The following WASF3 variants were observed in gnomAD, a reference collection of about 807,000 sequenced individuals.
WASF3 encodes the protein actin-binding protein WASF3.
WASF3 carries 11 observed loss-of-function variants against 46.6 expected under a neutral mutation model. The observed-to-expected ratio is 0.24, with a 90% CI of 0.15 to 0.39. The LOEUF is 0.39. Ranked by LOEUF, WASF3 falls within the 10% of genes least tolerant of loss-of-function variation. The pLI, the probability that WASF3 is intolerant of heterozygous loss-of-function variation, is 1.00. For missense variants in WASF3, 576 were observed against 669.8 expected, an observed-to-expected ratio of 0.86 and a Z score of 1.55; for synonymous variants, 242 against 259.7, an observed-to-expected ratio of 0.93 and a Z score of 0.65.
chr13:26,540,353 C>G, the WASF3 span, among the ~76,000 whole-genome samples: 1 of 152,162 alleles, frequency 6.6e-6, no homozygotes, highest in African/African-American at 2.4e-5. Context: ...TTTCTGGACC[C>G]TTGAAGGTCA....
At chr13:26,636,241 G>C (rs888855359) in intron 2 of WASF3, among the ~76,000 whole-genome samples, 1 of 152,250 alleles carries the variant, frequency 6.6e-6, no homozygotes, top group African/African-American at 2.4e-5. Context: ...CCCCTGTCAG[G>C]CTGCTTCCTC....
intron 3 of WASF3, among the ~76,000 whole-genome samples, chr13:26,664,739 T>G (rs748956855): frequency 1.3e-4 from 20 of 152,268 alleles, no homozygotes; most frequent in Non-Finnish European, 2.8e-4. Flanking sequence ...AATGAGAACT[T>G]AAGTTGCAGT....
intron 1 of WASF3, among the ~76,000 whole-genome samples, chr13:26,574,892 A>C (rs1879747264): frequency 6.7e-6 from 1 of 149,134 alleles, no homozygotes; most frequent in Non-Finnish European, 1.5e-5. Flanking sequence ...GCTGGAGTGC[A>C]GTGGTGCGAT....
At position 26,688,518 on chromosome 13, in the gene WASF3, A is replaced by G. The variant is rs1883480894; in HGVS notation, c.*2673A>G. ...ACAGGAGGCGGCGGAGCACAAGGCA[A>G]GTGAGTTTGCACTGTCAGCCCCAGA... On this transcript the variant is annotated 3_prime_UTR_variant, in exon 10 of 10. Coordinates refer to ENST00000335327, the MANE Select transcript of WASF3 (RefSeq NM_006646.6). The G allele has an allele frequency of 6.6e-6, 1 of 152,254 alleles. No individual in the cohort carries two copies. Among genetic ancestry groups the G allele is most frequent in the South Asian group, 2.1e-4 (1 of 4,832 alleles). The allele number at this position is 152,254 out of a possible 1,614,324, so 9.4% of individuals were successfully genotyped here. A position where few individuals can be genotyped will look rare whatever the true frequency, so the allele number is the denominator to read the frequency against.
At chr13:26,627,771 G>T (rs1881513489) in intron 2 of WASF3, among the ~76,000 whole-genome samples, 1 of 151,630 alleles carries the variant, frequency 6.6e-6, no homozygotes, top group South Asian at 2.1e-4. Context: ...ATTTAAAATA[G>T]ATATACCTAA....
At chr13:26,574,370 T>C (rs1188181339) in intron 1 of WASF3, among the ~76,000 whole-genome samples, 1 of 152,228 alleles carries the variant, frequency 6.6e-6, no homozygotes, top group Non-Finnish European at 1.5e-5. Context: ...TAATTTGTTA[T>C]TTAGTTCATA....
intron 6 of WASF3, among the ~76,000 whole-genome samples, chr13:26,673,022 G>A (rs1021571475): frequency 7.2e-5 from 11 of 152,246 alleles, no homozygotes; most frequent in African/African-American, 2.6e-4. Flanking sequence ...GCTAGGTTTT[G>A]CAGAATATTC....
chr13:26,554,278 T>C (rs147303268), upstream of WASF3, among the ~76,000 whole-genome samples: 577 of 151,952 alleles, frequency 3.8e-3, 2 homozygotes, highest in African/African-American at 0.013. Context: ...TACAGGCATA[T>C]GCCACCACTC....
the WASF3 span, among the ~76,000 whole-genome samples, chr13:26,543,800 C>T: frequency 2.0e-5 from 3 of 152,194 alleles, no homozygotes; most frequent in African/African-American, 7.2e-5. Flanking sequence ...CTAAGCTTGA[C>T]CTCTTCTGGT....
intron 3 of WASF3, among the ~76,000 whole-genome samples, chr13:26,664,467 C>T (rs772578167): frequency 2.0e-5 from 3 of 152,116 alleles, no homozygotes; most frequent in Admixed American, 6.6e-5. Flanking sequence ...TGGAAATGAG[C>T]CACGCAGAAA....
At chr13:26,615,932 T>G (rs1392777570) in intron 2 of WASF3, among the ~76,000 whole-genome samples, 1 of 152,244 alleles carries the variant, frequency 6.6e-6, no homozygotes, top group African/African-American at 2.4e-5. Flanking sequence ...CTCTTGTTGT[T>G]GCATGTATCA....
rs148601106 is a variant in WASF3, at chr13:26,658,902, C to T, written c.134-6126C>T. Among the ~76,000 whole-genome samples, 867 of 152,280 alleles carry T rather than the reference C, an allele frequency of 5.7e-3. 10 individuals are homozygous for T. The highest frequency in any genetic ancestry group is 0.02 in the African/African-American group (823 of 41,556). On this transcript the variant is annotated intron_variant, in intron 3 of 9. Transcript: ENST00000335327. ...TTCTTATGTTTTTGTTCACTTATTC[C>T]GAAATCTTTTCTGAGTACCTACTAT...
the WASF3 span, among the ~76,000 whole-genome samples, chr13:26,544,650 G>C: frequency 6.6e-6 from 1 of 152,228 alleles, no homozygotes; most frequent in Non-Finnish European, 1.5e-5. Flanking sequence ...ATCTATAGAA[G>C]AATCACAGTA....
intron 1 of WASF3, among the ~76,000 whole-genome samples, chr13:26,597,026 A>C (rs546597584): frequency 6.6e-6 from 1 of 152,274 alleles, no homozygotes; most frequent in South Asian, 2.1e-4. Flanking sequence ...TACATTTATC[A>C]TAGTTATGTC....
chr13:26,543,665 A>G, the WASF3 span, among the ~76,000 whole-genome samples: 3 of 151,994 alleles, frequency 2.0e-5, no homozygotes, highest in African/African-American at 7.3e-5. Flanking sequence ...GGGTGTAGAG[A>G]ACAGATCCAT....
At position 26,665,082 on chromosome 13, in the gene WASF3, A is replaced by G. The variant is rs757652588; in HGVS notation, c.188A>G (p.Tyr63Cys). 1.9e-6 allele frequency: 3 copies of G among 1,614,190 alleles called. No homozygotes were observed. Among genetic ancestry groups the G allele is most frequent in the Admixed American group, 3.3e-5 (2 of 60,030 alleles). Residue 63 changes from tyrosine to cysteine, a missense_variant, in exon 4 of 10, where the codon TAC becomes TGC. Coordinates refer to ENST00000335327, the MANE Select transcript of WASF3 (RefSeq NM_006646.6). Reference protein sequence around the residue: ...GELFNEANNFYIRANSLQDRI... With the variant: ...GELFNEANNFCIRANSLQDRI... ...TTGTTTAATGAGGCTAACAACTTCTACATCAGAGCAAATTCTCTTCAAGAC... is the reference window on the plus strand; with the variant it reads ...TTGTTTAATGAGGCTAACAACTTCTGCATCAGAGCAAATTCTCTTCAAGAC...
In WASF3 at chr13:26,676,574, C is replaced by T. The variant is rs1368132107; in HGVS notation, c.566C>T (p.Thr189Ile). 6.2e-7 allele frequency: 1 copy of T among 1,614,098 alleles called. No homozygotes were observed. The highest frequency in any genetic ancestry group is 8.5e-7 in the Non-Finnish European group (1 of 1,180,004). ...GAGCAAAAGCGTATAGATGGCACCA[C>T]CCGTGAGGTGAAAAAGGTTAGAAAA... The part of the protein sequence containing the change: ...QKEQKRIDGT[T>I]REVKKVRKAR... The change falls in exon 7 of 10, where the codon ACC becomes ATC. Residue 189 changes from threonine to isoleucine, a missense_variant. By Grantham distance (89) the Thr-to-Ile change is moderately conservative. Coordinates refer to ENST00000335327, the MANE Select transcript of WASF3 (RefSeq NM_006646.6).
At chr13:26,643,276 C>T (rs6491142) in intron 3 of WASF3, among the ~76,000 whole-genome samples, 67,160 of 151,866 alleles carry the variant, frequency 0.44, 16,224 homozygotes, top group Non-Finnish European at 0.55. Flanking sequence ...TTTTCAGAAA[C>T]TCTGTTAATA....
In WASF3 at chr13:26,681,034, C is replaced by A. The variant is rs572337251; in HGVS notation, c.717-20C>A. ...TTAAATTAATTTAAATTTCTCCCAC[C>A]TCTTGTTTTCAAATGCCAGGTCACA... On this transcript the variant is annotated intron_variant, in intron 7 of 9. Coordinates refer to ENST00000335327, the MANE Select transcript of WASF3 (RefSeq NM_006646.6). 1.3e-5 allele frequency: 21 copies of A among 1,582,562 alleles called. No individual in the cohort carries two copies. The East Asian group carries it at 3.9e-4, about 29-fold the overall frequency.
Sources: allele counts gnomAD v4.1 joint callset (sites outside exome capture counted in the v4.1 genomes callset), GRCh38; gene constraint gnomAD v4.1.1; transcripts MANE v1.5; gene names NCBI Gene and HGNC (gene_info 2026-07-23, HGNC 2026-07-21).